NDE1: variants seen among roughly 807,000 people sequenced by gnomAD.
NDE1 encodes nuclear distribution protein nudE homolog 1.
Under a neutral mutation model 43.4 loss-of-function variants are expected in NDE1, and 28 were observed. The ratio of observed to expected loss-of-function variants is 0.65; its 90% CI spans 0.48 to 0.89. The LOEUF (loss-of-function observed/expected upper bound fraction) is 0.89, where lower values mean the gene tolerates loss of function less well. Ranked by LOEUF, NDE1 falls within the 40% of genes least tolerant of loss-of-function variation. NDE1 has a pLI of 0.00. For synonymous variants in NDE1, 184 were observed against 172.0 expected (o/e 1.07, Z -0.55); for missense variants, 441 against 434.1 (o/e 1.02, Z -0.14).
At chr16:15,690,266 G>A (rs2038665652) in intron 5 of NDE1, among the ~76,000 whole-genome samples, 2 of 145,800 alleles carry the variant, frequency 1.4e-5, no homozygotes, top group South Asian at 4.4e-4. Flanking sequence ...GAAAATTCCT[G>A]ACCTCAAGCA....
At chr16:15,650,836 C>G (rs1333041398) in intron 1 of NDE1, among the ~76,000 whole-genome samples, 2 of 152,118 alleles carry the variant, frequency 1.3e-5, no homozygotes. Flanking sequence ...GCCCTCACAC[C>G]CACTGTCCCG....
At chr16:15,709,407 CG>C (rs1438947549) in intron 8 of NDE1, among the ~76,000 whole-genome samples, 3 of 148,854 alleles carry the variant, frequency 2.0e-5, no homozygotes, top group African/African-American at 7.4e-5. Context: ...CTCCACCTCC[CG>C]GGTTCAAGCG....
chr16:15,652,603 A>G (rs1009194729), intron 1 of NDE1, among the ~76,000 whole-genome samples: 2 of 152,194 alleles, frequency 1.3e-5, no homozygotes, highest in Non-Finnish European at 2.9e-5. Context: ...TTTCCCTGTC[A>G]CTTGGTTCAG....
At chr16:15,663,398 C>A (rs1012010490) in intron 1 of NDE1, among the ~76,000 whole-genome samples, 1 of 151,796 alleles carries the variant, frequency 6.6e-6, no homozygotes. Context: ...CGCCACCACG[C>A]CCAGCTAATT....
chr16:15,704,581 C>T (rs772565008), intron 8 of NDE1, among the ~76,000 whole-genome samples: 1 of 152,154 alleles, frequency 6.6e-6, no homozygotes, highest in Admixed American at 6.6e-5. Flanking sequence ...CTCCTCACCC[C>T]CATTCGCCTT....
intron 1 of NDE1, among the ~76,000 whole-genome samples, chr16:15,652,491 G>C (rs1356284254): frequency 2.0e-5 from 3 of 152,182 alleles, no homozygotes; most frequent in Non-Finnish European, 4.4e-5. Context: ...ATGGATGTGG[G>C]TGCTTTTTGT....
At chr16:15,679,747 A>C (rs2038077627) in intron 4 of NDE1, among the ~76,000 whole-genome samples, 1 of 151,946 alleles carries the variant, frequency 6.6e-6, no homozygotes, top group Non-Finnish European at 1.5e-5. Flanking sequence ...GGTGTTTCCC[A>C]CGTGGTGTTT....
At chr16:15,697,060 GT>G in intron 8 of NDE1, 200 bp downstream of exon 8, 1 of 1,489,980 alleles carries the variant, frequency 6.7e-7, no homozygotes, top group Non-Finnish European at 8.9e-7. Flanking sequence ...AGAGGGTCTT[GT>G]TTTGTGAGAC....
upstream of NDE1, among the ~76,000 whole-genome samples, chr16:15,646,777 G>A (rs1227178494): frequency 6.6e-6 from 1 of 151,498 alleles, no homozygotes; most frequent in African/African-American, 2.4e-5. Flanking sequence ...GAGGCTTGGT[G>A]TGGTGGCTCA....
At chr16:15,711,028 T>G (rs1445994157) in intron 8 of NDE1, 1 of 152,328 alleles carries the variant, frequency 6.6e-6, no homozygotes, top group Non-Finnish European at 1.5e-5. Flanking sequence ...CCCTCAACCC[T>G]GGGAGATGCT....
Position 15,667,433 on chromosome 16 carries a change from C to A in NDE1, c.231C>A (p.Thr77=). 1.2e-6 allele frequency: 2 copies of A among 1,613,744 alleles called. No homozygotes were observed. Among genetic ancestry groups the A allele is most frequent in the South Asian group, 2.2e-5 (2 of 91,074 alleles). The change falls in exon 3 of 9, where the codon ACC becomes ACA. Residue 77 remains threonine (T), a synonymous_variant. Transcript: ENST00000396354. ...ENNRLRMELE[T]IKEKFEVQHS... is the part of the protein sequence containing the mutation. ...ACCGCCTTCGCATGGAGCTGGAAAC[C>A]ATCAAGGTGAGGGGCTGAGAGGAAG...
intron 8 of NDE1, among the ~76,000 whole-genome samples, chr16:15,723,268 T>C (rs2040578311): frequency 6.6e-6 from 1 of 152,062 alleles, no homozygotes; most frequent in East Asian, 1.9e-4. Context: ...TGTTGAGGTG[T>C]GGAAGGGGAA....
chr16:15,665,997 C>G lies in NDE1; in HGVS notation c.83+1136C>G, dbSNP rs548872722. Among the ~76,000 whole-genome samples the G allele has an allele frequency of 2.0e-5, 3 of 152,154 alleles. No individual in the cohort carries two copies. In the South Asian group the frequency reaches 6.2e-4, roughly 32 times the overall value. Reference sequence around the variant, plus strand: ...TCTCGAACTCCCAACCTCAGGTGATCCACTTGCCTCGGCTTCCCTAAGTGC... The same window carrying G: ...TCTCGAACTCCCAACCTCAGGTGATGCACTTGCCTCGGCTTCCCTAAGTGC... On this transcript the variant is annotated intron_variant, in intron 2 of 8. Transcript: ENST00000396354.
Position 15,687,517 on chromosome 16 carries a change from G to T in NDE1, c.523+6G>T, listed in dbSNP as rs2038499731. On this transcript the variant is annotated splice_donor_region_variant and intron_variant, in intron 5 of 8. Coordinates refer to ENST00000396354, the MANE Select transcript of NDE1 (RefSeq NM_017668.3). ...ACTGAAGGATGAAGCCAGAGGTCAG[G>T]AGGCCTTGGTGTCTTCACCAGCATG... 9 of 1,613,050 alleles carry T rather than the reference G, an allele frequency of 5.6e-6. No individual in the cohort carries two copies. Among genetic ancestry groups the T allele is most frequent in the Non-Finnish European group, 7.6e-6 (9 of 1,179,192 alleles).
chr16:15,705,984 C>CAAAAAAAAAAAAAAA (rs57451847), intron 8 of NDE1, among the ~76,000 whole-genome samples: 718 of 56,734 alleles, frequency 0.013, 176 homozygotes, highest in African/African-American at 0.065. Flanking sequence ...GACTCCGTCT[C>CAAAAAAAAAAAAAAA]AAAAAAAAAA....
intron 8 of NDE1, chr16:15,701,998 T>C (rs1475473906): frequency 1.3e-5 from 2 of 152,248 alleles, no homozygotes; most frequent in African/African-American, 2.4e-5. Flanking sequence ...AAAAACTTTT[T>C]TTAACCAAGT....
intron 8 of NDE1, chr16:15,708,771 AAC>A (rs779515749): frequency 5.0e-6 from 8 of 1,596,710 alleles, no homozygotes; most frequent in Admixed American, 1.8e-5. Context: ...ATACTGAGAC[AAC>A]ACACAGCTGC....
chr16:15,687,297 T>C (rs749911008), intron 4 of NDE1, 78 bp from the exon 5 acceptor site: 1 of 1,609,590 alleles, frequency 6.2e-7, no homozygotes, highest in Non-Finnish European at 8.5e-7. Context: ...GTCTGACCCT[T>C]CGCACCTCCT....
rs34560499 is a variant in NDE1 at position 15,643,418 on chromosome 16, G to A, written c.-675G>A. The A allele has an allele frequency of 6.5e-3, 3,064 of 468,038 alleles. 45 individuals carry two copies. Among genetic ancestry groups the A allele is most frequent in the South Asian group, 0.023 (1,451 of 64,028 alleles). 29.0% of individuals were successfully genotyped at this position (468,038 alleles called of 1,614,324 possible). ...GCCTTCCCCCTGGCTTCACGTTGTG[G>A]AGTCGAAAGGAACCTTGAAGCGGAG... On this transcript the variant is annotated 5_prime_UTR_variant, in exon 1 of 10. Transcript: ENST00000396355.
Sources: gnomAD v4.1 joint callset for allele counts (sites outside exome capture counted in the v4.1 genomes callset) on GRCh38, gnomAD v4.1.1 for gene constraint, MANE v1.5 for transcripts, NCBI Gene and HGNC (gene_info 2026-07-23, HGNC 2026-07-21) for gene names.